Variants in TLN2 observed in about 807,000 individuals in gnomAD.
TLN2 encodes talin-2.
Under a neutral mutation model 294.7 loss-of-function variants are expected in TLN2, and 118 were observed. The ratio of observed to expected loss-of-function variants is 0.40; its 90% CI spans 0.34 to 0.47. The LOEUF (loss-of-function observed/expected upper bound fraction) is 0.47, where lower values mean the gene tolerates loss of function less well. Ranked by LOEUF, TLN2 falls within the 20% of genes least tolerant of loss-of-function variation. The pLI, the probability that TLN2 is intolerant of heterozygous loss-of-function variation, is 0.84. For missense variants in TLN2, 3,083 were observed against 3,282.2 expected (o/e 0.94, Z 1.48); for synonymous variants, 1,431 against 1,304.5 (o/e 1.10, Z -2.09).
At position 62,790,831 on chromosome 15, in the gene TLN2, G is replaced by T. The variant is rs1338444777; in HGVS notation, c.5737-1810G>T. Among the ~76,000 whole-genome samples, 3 of 152,232 alleles carry T rather than the reference G, an allele frequency of 2.0e-5. No individual in the cohort carries two copies. The East Asian group carries it at 5.8e-4, about 29-fold the overall frequency. Reference sequence around the variant, plus strand: ...AATGACATGACATCTGTGTGGGCTGGAGTGTTTTTCCCGCCTCAGCGGCAG... The same window carrying T: ...AATGACATGACATCTGTGTGGGCTGTAGTGTTTTTCCCGCCTCAGCGGCAG... On this transcript the variant is annotated intron_variant, in intron 45 of 58. Transcript: ENST00000636159.
intron 1 of TLN2, among the ~76,000 whole-genome samples, chr15:62,576,674 C>CT (rs1457165011): frequency 9.9e-5 from 14 of 141,268 alleles, no homozygotes; most frequent in Non-Finnish European, 1.7e-4. Context: ...CCCCCCGCCC[C>CT]CCACATAAAA....
At chr15:62,698,032 C>G (rs150422881) in intron 15 of TLN2, among the ~76,000 whole-genome samples, 164 bp downstream of exon 15, 247 of 152,346 alleles carry the variant, frequency 1.6e-3, no homozygotes, top group African/African-American at 5.8e-3. Flanking sequence ...ACTCGGATCA[C>G]TGCCTGTTTA....
chr15:62,574,545 A>AC (rs1268254794), intron 1 of TLN2, among the ~76,000 whole-genome samples: 1 of 134,556 alleles, frequency 7.4e-6, no homozygotes, highest in Admixed American at 8.2e-5. Flanking sequence ...GCACCACTGA[A>AC]CTCCAGCCTG....
chr15:62,740,520 A>T, intron 31 of TLN2, 110 bp from the exon 32 acceptor site: 1 of 1,464,054 alleles, frequency 6.8e-7, no homozygotes, highest in Non-Finnish European at 9.3e-7. Flanking sequence ...GTTTAATGTG[A>T]TCTATACGGA....
At chr15:62,499,317 G>T (rs1036018094) in intron 1 of TLN2, among the ~76,000 whole-genome samples, 1 of 152,134 alleles carries the variant, frequency 6.6e-6, no homozygotes, top group South Asian at 2.1e-4. Flanking sequence ...AGGCGTGGTG[G>T]TGCTCACCTG....
Position 62,736,869 on chromosome 15 carries a change from T to G in TLN2, c.3359-9T>G. ...TCTAATTGGAAATCTGATGGACTTT[T>G]TCCCCCAGGGGTGGCTGCTAGAGAG... On this transcript the variant is annotated splice_polypyrimidine_tract_variant and intron_variant, in intron 28 of 58. Coordinates refer to ENST00000636159, the MANE Select transcript of TLN2 (RefSeq NM_015059.3). 6.2e-7 allele frequency: 1 copy of G among 1,611,666 alleles called. No individual in the cohort carries two copies. Among genetic ancestry groups the G allele is most frequent in the Non-Finnish European group, 8.5e-7 (1 of 1,178,300 alleles).
At chr15:62,416,732 C>T (rs1344559195) in intron 1 of TLN2, among the ~76,000 whole-genome samples, 2 of 152,102 alleles carry the variant, frequency 1.3e-5, no homozygotes, top group East Asian at 3.8e-4. Flanking sequence ...GCCCCTTTGC[C>T]CAGAGGAGGG....
chr15:62,776,078 G>GT (rs1443825253), intron 42 of TLN2, among the ~76,000 whole-genome samples: 1 of 152,158 alleles, frequency 6.6e-6, no homozygotes, highest in East Asian at 1.9e-4. Context: ...GCTACTTGAG[G>GT]TATCTTTCAG....
chr15:62,718,989 CTGGAGCAGTCCTAGA>C (rs1369715200), intron 24 of TLN2, among the ~76,000 whole-genome samples: 1 of 152,192 alleles, frequency 6.6e-6, no homozygotes, highest in Non-Finnish European at 1.5e-5. Context: ...TTAACTTGTG[CTGGAGCAGTCCTAGA>C]AAAATATGTC....
intron 1 of TLN2, among the ~76,000 whole-genome samples, chr15:62,433,243 A>AC (rs1291015445): frequency 6.6e-6 from 1 of 152,092 alleles, no homozygotes; most frequent in Non-Finnish European, 1.5e-5. Context: ...GGCCACAGGG[A>AC]CCCAGGGGAC....
In TLN2 at chr15:62,701,908, G is replaced by A. The variant is rs2058740848; in HGVS notation, c.1697-84G>A. 4 of 1,460,230 alleles carry A rather than the reference G, an allele frequency of 2.7e-6. No individual in the cohort carries two copies. In the Admixed American group the frequency reaches 5.3e-5, roughly 19 times the overall value. 90.5% of individuals were successfully genotyped at this position (1,460,230 alleles called of 1,614,324 possible). A position where few individuals can be genotyped will look rare whatever the true frequency, so the allele number is the denominator to read the frequency against. ...TGACTCCTGCAGGATGGTAGGTGAG[G>A]AACTCCTGCCAGTGTGGGGTTTTGA... On this transcript the variant is annotated intron_variant, in intron 17 of 58. Coordinates refer to ENST00000636159, the MANE Select transcript of TLN2 (RefSeq NM_015059.3).
At chr15:62,515,378 A>G (rs2040136913) in intron 1 of TLN2, among the ~76,000 whole-genome samples, 1 of 152,208 alleles carries the variant, frequency 6.6e-6, no homozygotes, top group South Asian at 2.1e-4. Context: ...GTCACTGGAA[A>G]TTTGCATAGT....
At chr15:62,441,307 C>G (rs2035533030) in intron 1 of TLN2, among the ~76,000 whole-genome samples, 1 of 152,228 alleles carries the variant, frequency 6.6e-6, no homozygotes, top group South Asian at 2.1e-4. Flanking sequence ...TCATAGCTCA[C>G]TGCAGCCTCG....
intron 28 of TLN2, among the ~76,000 whole-genome samples, chr15:62,728,489 G>C (rs1161032586): frequency 3.3e-5 from 5 of 152,202 alleles, no homozygotes; most frequent in African/African-American, 1.2e-4. Flanking sequence ...TCCTAGGTCA[G>C]AGCTTCCCCA....
chr15:62,810,325 G>A (rs2066594479), intron 52 of TLN2, among the ~76,000 whole-genome samples: 1 of 152,196 alleles, frequency 6.6e-6, no homozygotes, highest in African/African-American at 2.4e-5. Context: ...GAAGGACAAA[G>A]TGGGCGGGCG....
intron 32 of TLN2, among the ~76,000 whole-genome samples, chr15:62,743,245 C>A (rs1259994903): frequency 6.6e-6 from 1 of 152,114 alleles, no homozygotes; most frequent in Non-Finnish European, 1.5e-5. Context: ...CAGGTCCTGC[C>A]TGTCCTTCCT....
intron 1 of TLN2, among the ~76,000 whole-genome samples, chr15:62,533,970 T>C (rs1184085616): frequency 6.6e-6 from 1 of 152,174 alleles, no homozygotes; most frequent in African/African-American, 2.4e-5. Context: ...CAAGAAGCAG[T>C]CACTTGGCTC....
chr15:62,763,272 G>T, intron 39 of TLN2: 2 of 196,128 alleles, frequency 1.0e-5, no homozygotes, highest in Non-Finnish European at 9.8e-6. Flanking sequence ...CCAGTGAATA[G>T]AAAATCCAAG....
At chr15:62,436,032 A>T (rs1050014950) in intron 1 of TLN2, among the ~76,000 whole-genome samples, 1 of 152,178 alleles carries the variant, frequency 6.6e-6, no homozygotes, top group East Asian at 1.9e-4. Context: ...CCACTCTATC[A>T]GGATGTTTCT....
Sources: gnomAD v4.1 joint callset for allele counts (sites outside exome capture counted in the v4.1 genomes callset) on GRCh38, gnomAD v4.1.1 for gene constraint, MANE v1.5 for transcripts, NCBI Gene and HGNC (gene_info 2026-07-23, HGNC 2026-07-21) for gene names.